Variants in SORBS2 observed in about 807,000 individuals in gnomAD.
SORBS2 encodes the protein sorbin and SH3 domain-containing protein 2.
SORBS2 carries 46 observed loss-of-function variants against 97.7 expected under a neutral mutation model. That is an observed-to-expected ratio of 0.47 (90% CI 0.37 to 0.60). SORBS2 has a LOEUF of 0.60. SORBS2 is among the 20% of genes least tolerant of loss of function. SORBS2 has a pLI of 0.00. For missense variants in SORBS2, 1,316 were observed against 1,282.3 expected (o/e 1.03, Z -0.40); for synonymous variants, 476 against 473.4 (o/e 1.01, Z -0.07).
chr4:185,709,775 T>A (rs536232924), intron 2 of SORBS2: 1 of 152,386 alleles, frequency 6.6e-6, no homozygotes, highest in African/African-American at 2.4e-5. Flanking sequence ...GCTCACTGCA[T>A]GTGCCCTTCA....
At chr4:185,830,025 A>G (rs920817583) in intron 1 of SORBS2, among the ~76,000 whole-genome samples, 2 of 152,216 alleles carry the variant, frequency 1.3e-5, no homozygotes, top group African/African-American at 2.4e-5. Flanking sequence ...AATTTCCACT[A>G]TAATTTTCCC....
At chr4:185,665,069 TA>T (rs1327258869) in intron 4 of SORBS2, among the ~76,000 whole-genome samples, 8 of 152,212 alleles carry the variant, frequency 5.3e-5, no homozygotes, top group Admixed American at 5.2e-4. Flanking sequence ...TATATTGCTA[TA>T]AATGAAAGAC....
chr4:185,852,688 A>G (rs901553249), intron 1 of SORBS2, among the ~76,000 whole-genome samples: 5 of 152,146 alleles, frequency 3.3e-5, no homozygotes, highest in Non-Finnish European at 7.4e-5. Flanking sequence ...GCGGTAGGTT[A>G]TTCTGCTCAC....
intron 1 of SORBS2, among the ~76,000 whole-genome samples, chr4:185,834,758 C>A (rs748454694): frequency 6.6e-6 from 1 of 152,168 alleles, no homozygotes; most frequent in Non-Finnish European, 1.5e-5. Context: ...TTGATTTGTA[C>A]ATAATAAAAA....
exon 1 of SORBS2, chr4:185,956,310 C>G (rs969898854): frequency 2.6e-5 from 4 of 152,186 alleles, no homozygotes; most frequent in Non-Finnish European, 5.9e-5. Flanking sequence ...GCCTTGTAGC[C>G]GCAGCCAGCC....
At chr4:185,953,254 C>G (rs891129141) in intron 1 of SORBS2, among the ~76,000 whole-genome samples, 25 of 152,338 alleles carry the variant, frequency 1.6e-4, no homozygotes, top group African/African-American at 5.8e-4. Flanking sequence ...GTGGAGTTTG[C>G]AGTGAGCCGA....
intron 1 of SORBS2, among the ~76,000 whole-genome samples, chr4:185,810,362 A>G (rs1451237401): frequency 6.6e-6 from 1 of 152,246 alleles, no homozygotes; most frequent in Non-Finnish European, 1.5e-5. Context: ...ATCAGTGAAA[A>G]TTATACTTAA....
At chr4:185,746,961 A>G (rs143697211) in intron 2 of SORBS2, among the ~76,000 whole-genome samples, 25 of 152,268 alleles carry the variant, frequency 1.6e-4, no homozygotes, top group Non-Finnish European at 3.5e-4. Flanking sequence ...GTTAAACTGA[A>G]GTCATTAGGG....
intron 12 of SORBS2, among the ~76,000 whole-genome samples, chr4:185,599,763 G>C (rs1024331410): frequency 4.6e-5 from 7 of 152,176 alleles, no homozygotes; most frequent in Non-Finnish European, 7.3e-5. Context: ...TGTCTTTGTG[G>C]AGTTTGGAAA....
chr4:185,755,937 A>G (rs1351816204), intron 2 of SORBS2, among the ~76,000 whole-genome samples: 1 of 152,226 alleles, frequency 6.6e-6, no homozygotes, highest in East Asian at 1.9e-4. Flanking sequence ...ACAGATCTGA[A>G]GTAAATATCA....
chr4:185,620,024 T>C, intron 8 of SORBS2, 39 bp downstream of exon 20: 2 of 1,219,996 alleles, frequency 1.6e-6, no homozygotes, highest in Non-Finnish European at 1.2e-6. Flanking sequence ...GTATCAAGTG[T>C]GTTGCTGTGA....
chr4:185,762,305 G>A (rs998449203), intron 2 of SORBS2, among the ~76,000 whole-genome samples: 1 of 152,170 alleles, frequency 6.6e-6, no homozygotes, highest in Non-Finnish European at 1.5e-5. Context: ...CATTGAATTT[G>A]AGGTACTCAG....
At chr4:185,747,932 A>T (rs778377501) in intron 2 of SORBS2, among the ~76,000 whole-genome samples, 2 of 152,040 alleles carry the variant, frequency 1.3e-5, no homozygotes, top group Non-Finnish European at 2.9e-5. Context: ...CGGAGGTTGC[A>T]GTGAGCTGAG....
At chr4:185,667,717 TA>T (rs1554140077) in intron 4 of SORBS2, among the ~76,000 whole-genome samples, 11 of 146,272 alleles carry the variant, frequency 7.5e-5, no homozygotes, top group Non-Finnish European at 1.2e-4. Flanking sequence ...CGTATATATA[TA>T]ATATATATTT....
chr4:185,856,651 C>T (rs1292686189), intron 1 of SORBS2, among the ~76,000 whole-genome samples: 1 of 152,024 alleles, frequency 6.6e-6, no homozygotes, highest in East Asian at 1.9e-4. Context: ...GAAATTTAAC[C>T]CCCAAATTCA....
intron 4 of SORBS2, among the ~76,000 whole-genome samples, chr4:185,667,377 G>T (rs1487408860): frequency 1.3e-5 from 2 of 151,970 alleles, no homozygotes; most frequent in Non-Finnish European, 2.9e-5. Flanking sequence ...ATAATAAAAA[G>T]GTTGCAATAA....
rs978149222 is a variant in SORBS2 at position 185,781,560 on chromosome 4, C to T, written c.-337-6194G>A. ...TCCCTTCCATTGCCTCCAGCCTCTC[C>T]AGCCTCCCTTCCATTGCCTCTGGCC... On this transcript the variant is annotated intron_variant, in intron 1 of 20. Coordinates refer to the SORBS2 transcript ENST00000284776. Among the ~76,000 whole-genome samples the T allele has an allele frequency of 3.8e-4, 50 of 131,398 alleles. 4 individuals are homozygous for T. The highest frequency in any genetic ancestry group is 5.9e-4 in the Non-Finnish European group (32 of 54,060). The allele number at this position is 131,398 out of a possible 152,430, so 86.2% of individuals were successfully genotyped here.
intron 1 of SORBS2, among the ~76,000 whole-genome samples, chr4:185,837,870 G>A (rs1170768709): frequency 6.7e-6 from 1 of 149,122 alleles, no homozygotes; most frequent in Non-Finnish European, 1.5e-5. Context: ...ACATTGCTTT[G>A]AGAACAAAAA....
chr4:185,909,522 T>C (rs1407834072), intron 1 of SORBS2, among the ~76,000 whole-genome samples: 1 of 152,000 alleles, frequency 6.6e-6, no homozygotes, highest in Non-Finnish European at 1.5e-5. Flanking sequence ...CACTCGTACT[T>C]CTTAAATTTA....
Sources: allele counts gnomAD v4.1 joint callset (sites outside exome capture counted in the v4.1 genomes callset), GRCh38; gene constraint gnomAD v4.1.1; transcripts MANE v1.5; gene names NCBI Gene and HGNC (gene_info 2026-07-23, HGNC 2026-07-21).